Variants in ADAM12 observed in about 807,000 individuals in gnomAD.
ADAM12 encodes ADAM metallopeptidase domain 12, also known as disintegrin and metalloproteinase domain-containing protein 12.
A neutral mutation model predicts 106.4 loss-of-function variants in ADAM12; 70 were observed. The ratio of observed to expected loss-of-function variants is 0.66; its 90% CI spans 0.54 to 0.80. The LOEUF is 0.80. ADAM12 is among the 30% of genes least tolerant of loss of function. The probability of loss-of-function intolerance (pLI) is 0.00; values close to 1 mark genes in which losing one functional copy is unlikely to be tolerated. For missense variants in ADAM12, 1,010 were observed against 1,171.9 expected, an observed-to-expected ratio of 0.86 and a Z score of 2.02; for synonymous variants, 420 against 433.5, an observed-to-expected ratio of 0.97 and a Z score of 0.39.
intron 5 of ADAM12, among the ~76,000 whole-genome samples, chr10:126,132,379 C>T (rs945128046): frequency 6.6e-6 from 1 of 152,194 alleles, no homozygotes; most frequent in African/African-American, 2.4e-5. Context: ...ACCTTTCAGG[C>T]CCCAGAGAGG....
At chr10:126,023,494 A>C (rs1438038018) in intron 21 of ADAM12, among the ~76,000 whole-genome samples, 1 of 152,222 alleles carries the variant, frequency 6.6e-6, no homozygotes, top group Non-Finnish European at 1.5e-5. Context: ...GGAATAGAGA[A>C]ATCCAACCAA....
intron 3 of ADAM12, among the ~76,000 whole-genome samples, chr10:126,185,448 G>T (rs1957383572): frequency 6.6e-6 from 1 of 151,854 alleles, no homozygotes; most frequent in South Asian, 2.1e-4. Flanking sequence ...AAGAGTCAAG[G>T]GTTGCTGGAA....
intron 3 of ADAM12, among the ~76,000 whole-genome samples, chr10:126,230,490 A>G (rs1958290010): frequency 6.6e-6 from 1 of 152,212 alleles, no homozygotes; most frequent in Non-Finnish European, 1.5e-5. Flanking sequence ...GCTCTACCAA[A>G]GGGTGTATCC....
intron 1 of ADAM12, among the ~76,000 whole-genome samples, chr10:126,356,264 T>C (rs1265545302): frequency 6.6e-6 from 1 of 152,186 alleles, no homozygotes; most frequent in East Asian, 1.9e-4. Flanking sequence ...ATACACCCTG[T>C]AGCCCAGCCC....
chr10:126,136,372 C>T (rs906961114), intron 4 of ADAM12, among the ~76,000 whole-genome samples: 1 of 152,092 alleles, frequency 6.6e-6, no homozygotes, highest in Admixed American at 6.6e-5. Context: ...ATGCTGCAGC[C>T]CCAATTAAGT....
chr10:126,256,487 T>C (rs2133698235), intron 3 of ADAM12, among the ~76,000 whole-genome samples: 1 of 152,326 alleles, frequency 6.6e-6, no homozygotes, highest in South Asian at 2.1e-4. Flanking sequence ...TCTGCATTGA[T>C]AGAGGTTCTA....
At chr10:126,382,306 A>G (rs1333785508) in intron 1 of ADAM12, among the ~76,000 whole-genome samples, 1 of 152,212 alleles carries the variant, frequency 6.6e-6, no homozygotes, top group Non-Finnish European at 1.5e-5. Flanking sequence ...TCCGACCAAC[A>G]TGGGAGGTGT....
chr10:126,125,792 C>G (rs1956196700), intron 5 of ADAM12, among the ~76,000 whole-genome samples: 2 of 151,664 alleles, frequency 1.3e-5, no homozygotes, highest in South Asian at 4.2e-4. Context: ...TTGTCCTGGA[C>G]TAGGGTGGGC....
intron 2 of ADAM12, among the ~76,000 whole-genome samples, chr10:126,308,685 A>G (rs1294551217): frequency 2.0e-5 from 3 of 152,226 alleles, no homozygotes; most frequent in Non-Finnish European, 4.4e-5. Flanking sequence ...CTCAAACTAT[A>G]TCTTAGAAGT....
chr10:126,333,340 G>A (rs529613441), intron 1 of ADAM12, among the ~76,000 whole-genome samples: 12 of 152,250 alleles, frequency 7.9e-5, no homozygotes, highest in Non-Finnish European at 1.6e-4. Flanking sequence ...TAATGGGGAG[G>A]ATGGGATGGT....
chr10:126,241,828 C>T (rs1234414306), intron 3 of ADAM12, among the ~76,000 whole-genome samples: 1 of 152,170 alleles, frequency 6.6e-6, no homozygotes, highest in Non-Finnish European at 1.5e-5. Flanking sequence ...ATTAATAGTG[C>T]TATCAATACT....
At chr10:126,306,812 A>G (rs1960865450) in intron 2 of ADAM12, among the ~76,000 whole-genome samples, 1 of 152,158 alleles carries the variant, frequency 6.6e-6, no homozygotes. Context: ...TTGACTTTCA[A>G]CAGTTTGATT....
At chr10:126,242,759 A>T (rs1958551355) in intron 3 of ADAM12, among the ~76,000 whole-genome samples, 1 of 152,210 alleles carries the variant, frequency 6.6e-6, no homozygotes, top group Non-Finnish European at 1.5e-5. Flanking sequence ...GGATTTCAAG[A>T]TGTCCACATC....
intron 3 of ADAM12, among the ~76,000 whole-genome samples, chr10:126,220,401 G>T (rs542283003): frequency 3.7e-4 from 56 of 152,156 alleles, no homozygotes; most frequent in Non-Finnish European, 7.2e-4. Context: ...CTTAATGAGG[G>T]TGCTGTGTCA....
chr10:126,144,934 A>G (rs1404099984), intron 4 of ADAM12, among the ~76,000 whole-genome samples: 1 of 151,996 alleles, frequency 6.6e-6, no homozygotes, highest in East Asian at 1.9e-4. Flanking sequence ...GGGTAGCTGG[A>G]CTCTGGCTTG....
At chr10:126,136,905 G>A (rs1956415527) in intron 4 of ADAM12, among the ~76,000 whole-genome samples, 1 of 152,084 alleles carries the variant, frequency 6.6e-6, no homozygotes, top group African/African-American at 2.4e-5. Context: ...TATTACATGG[G>A]AAATGTCTTT....
At chr10:126,086,651 CAAAAAAA>C (rs1171936921) in intron 11 of ADAM12, among the ~76,000 whole-genome samples, 10 of 16,920 alleles carry the variant, frequency 5.9e-4, no homozygotes, top group Non-Finnish European at 7.0e-4. Flanking sequence ...GACTCTGCCT[CAAAAAAA>C]AAAAAAAAAA....
chr10:126,105,247 AAGCAAGAT>A (rs1955742579), intron 8 of ADAM12, among the ~76,000 whole-genome samples: 1 of 152,224 alleles, frequency 6.6e-6, no homozygotes, highest in East Asian at 1.9e-4. Flanking sequence ...TTGCAAACTG[AAGCAAGAT>A]ATAACCTAGA....
At chr10:126,103,971 A>G (rs946386687) in intron 8 of ADAM12, among the ~76,000 whole-genome samples, 1 of 152,204 alleles carries the variant, frequency 6.6e-6, no homozygotes, top group African/African-American at 2.4e-5. Flanking sequence ...GTTAACTCCA[A>G]TACAGTGAAC....
Sources: allele counts gnomAD v4.1 joint callset (sites outside exome capture counted in the v4.1 genomes callset), GRCh38; gene constraint gnomAD v4.1.1; transcripts MANE v1.5; gene names NCBI Gene and HGNC (gene_info 2026-07-23, HGNC 2026-07-21).